The following RGS6 variants were observed in gnomAD, a reference collection of about 807,000 sequenced individuals.
The protein encoded by RGS6 is regulator of G-protein signaling 6.
In RGS6, 30 loss-of-function variants were observed where a neutral mutation model predicts 78.5. The ratio of observed to expected loss-of-function variants is 0.38; its 90% confidence interval spans 0.29 to 0.52. The LOEUF is 0.52. RGS6 is among the 20% of genes least tolerant of loss of function. The pLI is 0.85. For missense variants in RGS6, 495 were observed against 609.7 expected, an observed-to-expected ratio of 0.81 and a Z score of 1.98; for synonymous variants, 206 against 206.0, an observed-to-expected ratio of 1.00 and a Z score of 0.00.
At chr14:72,124,950 G>T (rs1055334180) in intron 2 of RGS6, among the ~76,000 whole-genome samples, 1 of 152,186 alleles carries the variant, frequency 6.6e-6, no homozygotes, top group African/African-American at 2.4e-5. Context: ...TGGGGATGAG[G>T]CTGTTTCATA....
intron 2 of RGS6, among the ~76,000 whole-genome samples, chr14:71,990,294 A>G (rs1377247775): frequency 1.3e-5 from 2 of 152,192 alleles, no homozygotes; most frequent in Non-Finnish European, 2.9e-5. Flanking sequence ...AAAAAATCCC[A>G]TTATCCAAAC....
chr14:72,351,099 A>G (rs1875039201), intron 2 of RGS6, among the ~76,000 whole-genome samples: 1 of 152,196 alleles, frequency 6.6e-6, no homozygotes. Context: ...TTCTAGCCTT[A>G]TGATGTGAGC....
chr14:72,489,275 A>C (rs1300264936), intron 12 of RGS6, among the ~76,000 whole-genome samples: 2 of 151,952 alleles, frequency 1.3e-5, no homozygotes, highest in East Asian at 3.9e-4. Flanking sequence ...GGGGCACCTC[A>C]GTACAACTCG....
chr14:72,045,630 A>G (rs1007812945), intron 2 of RGS6, among the ~76,000 whole-genome samples: 4 of 151,880 alleles, frequency 2.6e-5, no homozygotes, highest in African/African-American at 9.7e-5. Context: ...TCTTAGGACT[A>G]CATACCAGTT....
chr14:72,548,342 T>TGTGTGTGTGC (rs796698263), intron 17 of RGS6, among the ~76,000 whole-genome samples: 4 of 134,744 alleles, frequency 3.0e-5, no homozygotes, highest in African/African-American at 1.3e-4. Context: ...TGTGTGTGTG[T>TGTGTGTGTGC]GCGCGCGTGT....
chr14:72,145,775 G>A (rs1016779794), intron 2 of RGS6, among the ~76,000 whole-genome samples: 29 of 152,098 alleles, frequency 1.9e-4, no homozygotes, highest in African/African-American at 6.0e-4. Flanking sequence ...GAACCACCAC[G>A]CCCAGCCATG....
At chr14:72,377,431 TA>T (rs1288551712) in intron 3 of RGS6, among the ~76,000 whole-genome samples, 1 of 151,950 alleles carries the variant, frequency 6.6e-6, no homozygotes, top group Non-Finnish European at 1.5e-5. Context: ...AGAGATAGAC[TA>T]CAATACAATA....
chr14:72,617,331 TAGCCTTTGGAGAC>T, the RGS6 span, among the ~76,000 whole-genome samples: 1 of 152,156 alleles, frequency 6.6e-6, no homozygotes, highest in Non-Finnish European at 1.5e-5. Context: ...AACCAATTAT[TAGCCTTTGGAGAC>T]AGCCTGCTTT....
rs1017849891 is a variant in RGS6, at chr14:72,444,023, T to C, written c.185-10505T>C. On this transcript the variant is annotated intron_variant, in intron 3 of 17. Transcript: ENST00000553525. ...GAGCTAAATCCCGCACACTCTCCCC[T>C]TGCCCTGGACGCTTTTGATTGACAA... 2.6e-5 allele frequency among the ~76,000 whole-genome samples: 4 copies of C among 152,190 alleles called. 1 individual carries two copies. The highest frequency in any genetic ancestry group is 9.6e-5 in the African/African-American group (4 of 41,456).
intron 2 of RGS6, among the ~76,000 whole-genome samples, chr14:72,250,399 G>GAAGAAA (rs1555577325): frequency 8.7e-6 from 1 of 114,288 alleles, no homozygotes; most frequent in Non-Finnish European, 1.7e-5. Flanking sequence ...TAAATACACC[G>GAAGAAA]AAAAAAAAAA....
the RGS6 span, among the ~76,000 whole-genome samples, chr14:72,599,418 T>G: frequency 3.9e-5 from 5 of 128,710 alleles, no homozygotes; most frequent in Non-Finnish European, 8.2e-5. Flanking sequence ...TTTTTTTTTT[T>G]TTTTTTTTGA....
chr14:72,405,504 C>T (rs1156325300), intron 3 of RGS6, among the ~76,000 whole-genome samples: 1 of 152,208 alleles, frequency 6.6e-6, no homozygotes, highest in African/African-American at 2.4e-5. Flanking sequence ...AACAGTGTCA[C>T]CTTGAGCAGT....
At chr14:72,516,506 T>C (rs956517603) in intron 14 of RGS6, among the ~76,000 whole-genome samples, 23 of 152,212 alleles carry the variant, frequency 1.5e-4, no homozygotes, top group Admixed American at 1.4e-3. Flanking sequence ...CACCCAGGAC[T>C]TGTGGCTGTC....
At chr14:72,144,271 A>G (rs965243378) in intron 2 of RGS6, among the ~76,000 whole-genome samples, 3 of 152,242 alleles carry the variant, frequency 2.0e-5, no homozygotes, top group Non-Finnish European at 2.9e-5. Context: ...TTGTTTTCAC[A>G]TAGTGATCAC....
At chr14:72,053,027 T>C (rs1325065102) in intron 2 of RGS6, among the ~76,000 whole-genome samples, 2 of 27,100 alleles carry the variant, frequency 7.4e-5, no homozygotes, top group Non-Finnish European at 7.3e-5. Context: ...CTTTCTTTCT[T>C]TCCCCCTCCC....
chr14:72,333,850 G>A (rs1158930932), intron 2 of RGS6, among the ~76,000 whole-genome samples: 1 of 152,144 alleles, frequency 6.6e-6, no homozygotes, highest in Non-Finnish European at 1.5e-5. Flanking sequence ...TTTATTTCCA[G>A]CACTGCAAGG....
chr14:72,149,879 G>A (rs996630437), intron 2 of RGS6, among the ~76,000 whole-genome samples: 21 of 152,152 alleles, frequency 1.4e-4, no homozygotes, highest in African/African-American at 4.8e-4. Flanking sequence ...TGCCTGTATG[G>A]TTCCCTTCGG....
At chr14:72,015,436 C>T (rs2086738211) in intron 2 of RGS6, among the ~76,000 whole-genome samples, 1 of 152,248 alleles carries the variant, frequency 6.6e-6, no homozygotes, top group East Asian at 1.9e-4. Context: ...GCAAACCAAA[C>T]TATAGCAACT....
chr14:72,537,741 G>A, intron 16 of RGS6: 1 of 597,916 alleles, frequency 1.7e-6, no homozygotes, highest in African/African-American at 1.9e-5. Flanking sequence ...TATTTTCTGT[G>A]GCTCAAGACC....
Sources: gnomAD v4.1 joint callset for allele counts (sites outside exome capture counted in the v4.1 genomes callset) on GRCh38, gnomAD v4.1.1 for gene constraint, MANE v1.5 for transcripts, NCBI Gene and HGNC (gene_info 2026-07-23, HGNC 2026-07-21) for gene names.